Variants in GSE1 observed in about 807,000 individuals in gnomAD.
GSE1 encodes the protein genetic suppressor element 1.
GSE1 carries 32 observed loss-of-function variants against 112.6 expected under a neutral mutation model. The ratio of observed to expected loss-of-function variants is 0.28; its 90% CI spans 0.21 to 0.38. The LOEUF (loss-of-function observed/expected upper bound fraction) is 0.38. Among genes scored for constraint, GSE1 ranks in the 10% least tolerant of loss-of-function variants. The pLI, the probability that GSE1 is intolerant of heterozygous loss-of-function variation, is 1.00. For synonymous variants in GSE1, 1,115 were observed against 735.6 expected (o/e 1.52, Z -8.35); for missense variants, 2,348 against 1,699.2 (o/e 1.38, Z -6.71).
Position 85,674,283 on chromosome 16 carries a change from C to G in GSE1, c.*1744C>G, listed in dbSNP as rs1193946669. ...TCGTGTCGCTTTATCTGCCCCCGCA[C>G]AGTTTGCTTTGTACGTCTGCCAAGA... On this transcript the variant is annotated 3_prime_UTR_variant, in exon 16 of 16. Coordinates refer to ENST00000253458, the MANE Select transcript of GSE1 (RefSeq NM_014615.5). The G allele has an allele frequency of 6.6e-6, 1 of 152,274 alleles. No homozygotes were observed. Among genetic ancestry groups the G allele is most frequent in the Non-Finnish European group, 1.5e-5 (1 of 68,062 alleles). 9.4% of individuals were successfully genotyped at this position (152,274 alleles called of 1,614,324 possible). A position where few individuals can be genotyped will look rare whatever the true frequency, so the allele number is the denominator to read the frequency against.
intron 2 of GSE1, among the ~76,000 whole-genome samples, chr16:85,524,312 C>T (rs933371448): frequency 6.6e-6 from 1 of 152,040 alleles, no homozygotes; most frequent in Non-Finnish European, 1.5e-5. Context: ...CCATCCCAGT[C>T]CTGCTGCTTG....
intron 2 of GSE1, among the ~76,000 whole-genome samples, chr16:85,506,332 C>T (rs55981623): frequency 0.012 from 1,826 of 152,256 alleles, 9 homozygotes; most frequent in Non-Finnish European, 0.02. Flanking sequence ...CCACATGTGG[C>T]TACCGTATGG....
chr16:85,342,380 T>C (rs1368264870), intron 1 of GSE1, among the ~76,000 whole-genome samples: 1 of 152,182 alleles, frequency 6.6e-6, no homozygotes, highest in African/African-American at 2.4e-5. Flanking sequence ...AAATTAATAG[T>C]CTAGTGATCA....
At chr16:85,483,702 T>C (rs1242125328) in intron 2 of GSE1, among the ~76,000 whole-genome samples, 1 of 152,260 alleles carries the variant, frequency 6.6e-6, no homozygotes, top group Admixed American at 6.5e-5. Flanking sequence ...GTTTGCTTAA[T>C]TAATTGACTT....
At chr16:85,645,919 TGCATTCTGCCTGCTTCTACCAC>T (rs1377375846) in intron 2 of GSE1, among the ~76,000 whole-genome samples, 24 of 148,852 alleles carry the variant, frequency 1.6e-4, no homozygotes, top group Non-Finnish European at 2.5e-4. Context: ...TTTCTATGCA[TGCATTCTGCCTGCTTCTACCAC>T]GCATTCTACC....
intron 1 of GSE1, among the ~76,000 whole-genome samples, chr16:85,313,687 A>G (rs764278282): frequency 3.9e-4 from 59 of 152,278 alleles, no homozygotes; most frequent in Non-Finnish European, 6.8e-4. Flanking sequence ...GGCGGTCAGA[A>G]CAGGCTGTGG....
At chr16:85,662,516 G>A (rs996054649) in intron 9 of GSE1, 2 of 155,152 alleles carry the variant, frequency 1.3e-5, no homozygotes, top group African/African-American at 4.8e-5. Flanking sequence ...AAAGGAGGAG[G>A]GAGATACCCC....
intron 2 of GSE1, among the ~76,000 whole-genome samples, chr16:85,390,720 C>T (rs1234934756): frequency 4.1e-5 from 6 of 147,850 alleles, no homozygotes; most frequent in South Asian, 2.2e-4. Flanking sequence ...CACCCCTCCC[C>T]GCCACCGCCC....
chr16:85,548,881 C>T (rs577882630), intron 2 of GSE1, among the ~76,000 whole-genome samples: 4 of 152,334 alleles, frequency 2.6e-5, no homozygotes, highest in Non-Finnish European at 5.9e-5. Flanking sequence ...CCTCCGCCTC[C>T]TGGGTTCAAG....
At chr16:85,296,068 C>G (rs1290100975) in intron 1 of GSE1, among the ~76,000 whole-genome samples, 1 of 152,138 alleles carries the variant, frequency 6.6e-6, no homozygotes, top group Admixed American at 6.6e-5. Context: ...GGCTGAGAAC[C>G]AGGAGGCCGG....
At chr16:85,485,691 G>A (rs1341327944) in intron 2 of GSE1, among the ~76,000 whole-genome samples, 9 of 152,254 alleles carry the variant, frequency 5.9e-5, no homozygotes, top group Admixed American at 2.0e-4. Flanking sequence ...CGAGGTGGGC[G>A]CCGAGGCGGC....
intron 1 of GSE1, among the ~76,000 whole-genome samples, chr16:85,625,235 G>GCA (rs1184091635): frequency 6.6e-6 from 1 of 152,098 alleles, no homozygotes; most frequent in Non-Finnish European, 1.5e-5. Context: ...CTGCTTCTCC[G>GCA]CACACACAGC....
intron 2 of GSE1, among the ~76,000 whole-genome samples, chr16:85,361,542 G>C (rs1010016608): frequency 5.3e-5 from 8 of 152,216 alleles, no homozygotes; most frequent in African/African-American, 1.9e-4. Flanking sequence ...TGCCATGGTG[G>C]CCCCACCCTG....
chr16:85,288,439 T>G (rs2045106820), intron 1 of GSE1, among the ~76,000 whole-genome samples: 1 of 152,062 alleles, frequency 6.6e-6, no homozygotes, highest in Admixed American at 6.5e-5. Context: ...GGCGGTGCAG[T>G]TAATTGGAAG....
chr16:85,370,100 C>T (rs924852600), intron 2 of GSE1, among the ~76,000 whole-genome samples: 7 of 152,114 alleles, frequency 4.6e-5, no homozygotes, highest in South Asian at 2.1e-4. Flanking sequence ...GGATACTGGC[C>T]GGACCCAGGA....
chr16:85,469,005 AGCACTTTGG>A (rs1304183987), intron 2 of GSE1, among the ~76,000 whole-genome samples: 1 of 152,196 alleles, frequency 6.6e-6, no homozygotes, highest in Non-Finnish European at 1.5e-5. Context: ...CTGTAATCCC[AGCACTTTGG>A]GAGGCCGAGG....
In GSE1 at chr16:85,666,154, C is replaced by G; in HGVS notation, c.2937C>G (p.Ala979=). 6.2e-7 allele frequency: 1 copy of G among 1,613,356 alleles called. No homozygotes were observed. Among genetic ancestry groups the G allele is most frequent in the Non-Finnish European group, 8.5e-7 (1 of 1,180,002 alleles). Residue 979 remains alanine, a synonymous_variant, in exon 13 of 16, where the codon GCC becomes GCG. Coordinates refer to ENST00000253458, the MANE Select transcript of GSE1 (RefSeq NM_014615.5). ...GGGAGAAGGCCAGGCTGAGCGAGGCCCCTGGAGGCAAAAAGAGTCTGAGCA... is the reference window on the plus strand; with the variant it reads ...GGGAGAAGGCCAGGCTGAGCGAGGCGCCTGGAGGCAAAAAGAGTCTGAGCA... ...ASGEKARLSE[A]PGGKKSLSML... is the part of the protein sequence containing the mutation.
At chr16:85,246,326 CACACACCCCCCACACGCTG>C (rs1905727671) in intron 1 of GSE1, among the ~76,000 whole-genome samples, 2 of 87,080 alleles carry the variant, frequency 2.3e-5, no homozygotes, top group Non-Finnish European at 2.4e-5. Flanking sequence ...CACACACACA[CACACACCCCCCACACGCTG>C]TCTACACACA....
At chr16:85,303,905 C>G (rs2045593914) in intron 1 of GSE1, among the ~76,000 whole-genome samples, 1 of 152,226 alleles carries the variant, frequency 6.6e-6, no homozygotes, top group Non-Finnish European at 1.5e-5. Context: ...GGGGACGCCC[C>G]GGCCATTGGT....
Sources: gnomAD v4.1 joint callset for allele counts (sites outside exome capture counted in the v4.1 genomes callset) on GRCh38, gnomAD v4.1.1 for gene constraint, MANE v1.5 for transcripts, NCBI Gene and HGNC (gene_info 2026-07-23, HGNC 2026-07-21) for gene names.